Variants in PTPRG observed in about 807,000 individuals in gnomAD.
The protein encoded by PTPRG is receptor-type tyrosine-protein phosphatase gamma.
Under a neutral mutation model 165.3 loss-of-function variants are expected in PTPRG, and 102 were observed. That is an observed-to-expected ratio of 0.62 (90% CI 0.53 to 0.73). PTPRG has a LOEUF of 0.73. Among genes scored for constraint, PTPRG ranks in the 30% least tolerant of loss-of-function variants. The pLI is 0.00. For synonymous variants in PTPRG, 675 were observed against 669.5 expected, an observed-to-expected ratio of 1.01 and a Z score of -0.13; for missense variants, 1,866 against 1,861.4, an observed-to-expected ratio of 1.00 and a Z score of -0.05.
intron 2 of PTPRG, among the ~76,000 whole-genome samples, chr3:61,975,520 A>G (rs879577933): frequency 2.6e-4 from 39 of 152,114 alleles, no homozygotes; most frequent in Admixed American, 1.5e-3. Context: ...TCCCAGCACT[A>G]GTCTTTTTGG....
rs1241470858 is a variant in PTPRG, at chr3:62,255,076, T to G, written c.2468-48T>G. On this transcript the variant is annotated intron_variant, in intron 15 of 29. Transcript: ENST00000474889. This position sits in a 1 kb window ranked among gnomAD's most constrained non-coding sequence, Gnocchi z 4.0. ...CTTTGCTTTATCAGTGTAATTTGTT[T>G]TATGGAAGTATTCTATGTAACTTTG... The G allele has an allele frequency of 1.3e-6, 2 of 1,507,994 alleles. No individual in the cohort carries two copies. The highest frequency in any genetic ancestry group is 1.4e-5 in the African/African-American group (1 of 71,872). 93.4% of individuals were successfully genotyped at this position (1,507,994 alleles called of 1,614,324 possible).
At chr3:61,884,984 G>A (rs1374664732) in intron 2 of PTPRG, among the ~76,000 whole-genome samples, 1 of 152,170 alleles carries the variant, frequency 6.6e-6, no homozygotes, top group African/African-American at 2.4e-5. Context: ...CCTGCCCAGA[G>A]TCGCTTACAG....
At chr3:62,052,664 C>G (rs1285415346) in intron 4 of PTPRG, among the ~76,000 whole-genome samples, 2 of 151,990 alleles carry the variant, frequency 1.3e-5, no homozygotes, top group East Asian at 3.9e-4. Context: ...CACTGCACTC[C>G]AGCCTGGGTG....
intron 4 of PTPRG, among the ~76,000 whole-genome samples, chr3:62,029,539 A>G (rs1699694476): frequency 6.6e-6 from 1 of 152,238 alleles, no homozygotes; most frequent in African/African-American, 2.4e-5. Context: ...TTATTTATTT[A>G]TTAATTTATC....
At chr3:62,008,747 C>T (rs1265959870) in intron 4 of PTPRG, among the ~76,000 whole-genome samples, 1 of 152,182 alleles carries the variant, frequency 6.6e-6, no homozygotes, top group African/African-American at 2.4e-5. Flanking sequence ...TAGTTGGATT[C>T]TCAAAAGGAG....
intron 1 of PTPRG, among the ~76,000 whole-genome samples, chr3:61,612,839 C>A (rs1423664979): frequency 7.0e-6 from 1 of 143,740 alleles, no homozygotes; most frequent in Non-Finnish European, 1.5e-5. Context: ...GTTCTGAATT[C>A]TCTGGTTCCT....
intron 2 of PTPRG, among the ~76,000 whole-genome samples, chr3:61,816,455 C>A (rs2035765906): frequency 6.6e-6 from 1 of 152,088 alleles, no homozygotes; most frequent in Admixed American, 6.6e-5. Context: ...TCACTTGAAC[C>A]CTGGAGGCGG....
intron 2 of PTPRG, among the ~76,000 whole-genome samples, chr3:61,973,019 G>T (rs1264250621): frequency 1.3e-5 from 2 of 152,006 alleles, no homozygotes. Flanking sequence ...GAGTTAGGGA[G>T]AAAAATTAAT....
intron 2 of PTPRG, among the ~76,000 whole-genome samples, chr3:61,875,635 A>T (rs1287038653): frequency 2.0e-5 from 3 of 152,104 alleles, no homozygotes; most frequent in Non-Finnish European, 1.5e-5. Context: ...ATACACACAC[A>T]TGCACATGCG....
rs1392083893 is a variant in PTPRG, at chr3:61,709,184, A to G, written c.86-39694A>G. On this transcript the variant is annotated intron_variant, in intron 1 of 29. Transcript: ENST00000474889. ...GAGGTAGAGCTTGCCTACTGGGGAT[A>G]CAGCTGATAAGAGTGTAAGCCAGCT... is the stretch of plus-strand genomic sequence containing the variant. Among the ~76,000 whole-genome samples, 4 of 152,242 alleles carry G rather than the reference A, an allele frequency of 2.6e-5. No individual in the cohort carries two copies. In the East Asian group the frequency reaches 7.7e-4, roughly 29 times the overall value.
intron 16 of PTPRG, among the ~76,000 whole-genome samples, chr3:62,258,555 G>A (rs1009762074): frequency 6.6e-6 from 1 of 152,214 alleles, no homozygotes; most frequent in Non-Finnish European, 1.5e-5. Flanking sequence ...CATCTCGGAA[G>A]TAAAAAAATG....
At chr3:62,036,607 A>G (rs1011073604) in intron 4 of PTPRG, among the ~76,000 whole-genome samples, 1 of 152,194 alleles carries the variant, frequency 6.6e-6, no homozygotes, top group Non-Finnish European at 1.5e-5. Flanking sequence ...GGTGTTTAGT[A>G]TGATTCACTG....
chr3:61,864,972 A>C lies in PTPRG; in HGVS notation c.190+115990A>C, dbSNP rs559140183. Among the ~76,000 whole-genome samples, 12 of 152,328 alleles carry C rather than the reference A, an allele frequency of 7.9e-5. No individual in the cohort carries two copies. In the South Asian group the frequency reaches 2.5e-3, roughly 32 times the overall value. On this transcript the variant is annotated intron_variant, in intron 2 of 29. Transcript: ENST00000474889. Reference sequence around the variant, plus strand: ...GCCAGCATGCCACTGTCATGGGGTCACATTCAGTCATTCATTCCCTTGCTC... The same window carrying C: ...GCCAGCATGCCACTGTCATGGGGTCCCATTCAGTCATTCATTCCCTTGCTC...
chr3:61,746,462 G>C (rs1206923565), intron 1 of PTPRG, among the ~76,000 whole-genome samples: 1 of 151,970 alleles, frequency 6.6e-6, no homozygotes, highest in Non-Finnish European at 1.5e-5. Context: ...TGTAGAGATA[G>C]GGTTTCGCCT....
chr3:61,996,460 G>A (rs2041042188), intron 3 of PTPRG, among the ~76,000 whole-genome samples: 1 of 152,244 alleles, frequency 6.6e-6, no homozygotes, highest in Middle Eastern at 3.4e-3. Context: ...TTATGGCACT[G>A]ATGAATAGGT....
intron 2 of PTPRG, among the ~76,000 whole-genome samples, chr3:61,972,845 G>A (rs1301097328): frequency 6.7e-6 from 1 of 149,154 alleles, no homozygotes; most frequent in Non-Finnish European, 1.5e-5. Flanking sequence ...TTTTTGTAGA[G>A]ACAGGGTCCT....
chr3:62,163,260 T>C (rs141148698), intron 7 of PTPRG, among the ~76,000 whole-genome samples: 53 of 152,014 alleles, frequency 3.5e-4, no homozygotes, highest in African/African-American at 1.3e-3. Flanking sequence ...TTGGGCAAGT[T>C]ACTCAATGCC....
chr3:62,009,556 A>C (rs17065685), intron 4 of PTPRG, among the ~76,000 whole-genome samples: 10,039 of 152,192 alleles, frequency 0.066, 552 homozygotes, highest in African/African-American at 0.15. Flanking sequence ...ATTTGCCATC[A>C]ATTTTATGAA....
At chr3:61,688,834 T>C (rs2029956776) in intron 1 of PTPRG, among the ~76,000 whole-genome samples, 1 of 152,242 alleles carries the variant, frequency 6.6e-6, no homozygotes, top group Non-Finnish European at 1.5e-5. Flanking sequence ...GTGAGCCTTG[T>C]CAGTAGAAGA....
Sources: allele counts gnomAD v4.1 joint callset (sites outside exome capture counted in the v4.1 genomes callset), GRCh38; gene constraint gnomAD v4.1.1; non-coding constraint Gnocchi (gnomAD v3.1); transcripts MANE v1.5; gene names NCBI Gene and HGNC (gene_info 2026-07-23, HGNC 2026-07-21).